Variants in CELF4 observed in about 807,000 individuals in gnomAD.
CELF4 encodes the protein CUGBP Elav-like family member 4.
Under a neutral mutation model 59.9 loss-of-function variants are expected in CELF4, and 18 were observed. The observed-to-expected ratio is 0.30, with a 90% CI of 0.21 to 0.45. The LOEUF (loss-of-function observed/expected upper bound fraction) is 0.45. CELF4 is among the 20% of genes least tolerant of loss of function. The pLI is 1.00. For missense variants in CELF4, 456 were observed against 689.0 expected, an observed-to-expected ratio of 0.66 and a Z score of 3.79; for synonymous variants, 261 against 267.1, an observed-to-expected ratio of 0.98 and a Z score of 0.22.
intron 2 of CELF4, among the ~76,000 whole-genome samples, chr18:37,411,077 C>T (rs2099448155): frequency 6.6e-6 from 1 of 152,166 alleles, no homozygotes; most frequent in Admixed American, 6.5e-5. Flanking sequence ...CCACCTCAGC[C>T]TCCTGAGTAG....
chr18:37,467,747 G>A (rs542531566), intron 2 of CELF4, among the ~76,000 whole-genome samples: 1 of 152,328 alleles, frequency 6.6e-6, no homozygotes, highest in African/African-American at 2.4e-5. Context: ...TGTCCAAACT[G>A]CTCTGGAAAT....
At chr18:37,329,590 G>C (rs1265279562) in intron 2 of CELF4, among the ~76,000 whole-genome samples, 2 of 152,208 alleles carry the variant, frequency 1.3e-5, no homozygotes, top group Non-Finnish European at 2.9e-5. Context: ...CAGGGTGAAC[G>C]TGACCAACCC....
intron 1 of CELF4, among the ~76,000 whole-genome samples, chr18:37,535,116 C>T (rs2099972496): frequency 6.6e-6 from 1 of 152,114 alleles, no homozygotes; most frequent in African/African-American, 2.4e-5. Flanking sequence ...GGGAGGTGGG[C>T]CTCCCTGCAC....
intron 1 of CELF4, among the ~76,000 whole-genome samples, chr18:37,515,499 C>T (rs73947297): frequency 6.6e-6 from 1 of 152,214 alleles, no homozygotes; most frequent in Non-Finnish European, 1.5e-5. Context: ...CTTGGCCCAT[C>T]CTCCAGTAGA....
intron 9 of CELF4, chr18:37,266,186 G>A: frequency 4.6e-6 from 2 of 438,982 alleles, no homozygotes; most frequent in South Asian, 4.6e-5. Flanking sequence ...AGCCTCGCCT[G>A]TGGTGCTGGT....
chr18:37,537,715 T>A (rs1213469557), intron 1 of CELF4, among the ~76,000 whole-genome samples: 1 of 152,212 alleles, frequency 6.6e-6, no homozygotes, highest in Non-Finnish European at 1.5e-5. Context: ...CCCTTTGCTT[T>A]CTCTGAAAGT....
chr18:37,440,797 C>G (rs1342481368), intron 2 of CELF4, among the ~76,000 whole-genome samples: 1 of 152,110 alleles, frequency 6.6e-6, no homozygotes, highest in African/African-American at 2.4e-5. Flanking sequence ...TACCTAACTA[C>G]CCATCTGTCT....
At chr18:37,399,528 A>G (rs1569568774) in intron 2 of CELF4, among the ~76,000 whole-genome samples, 4 of 152,212 alleles carry the variant, frequency 2.6e-5, no homozygotes, top group Admixed American at 2.0e-4. Flanking sequence ...GACTACGACA[A>G]TCACCAACAC....
chr18:37,495,342 G>T (rs997020090), intron 1 of CELF4, among the ~76,000 whole-genome samples: 42 of 152,202 alleles, frequency 2.8e-4, no homozygotes, highest in Admixed American at 2.7e-3. Context: ...GTTTGGGAGG[G>T]AAACCACCTC....
chr18:37,306,697 G>A (rs1200100775), intron 3 of CELF4, among the ~76,000 whole-genome samples: 1 of 152,142 alleles, frequency 6.6e-6, no homozygotes, highest in Non-Finnish European at 1.5e-5. Context: ...CAGTGGCCCC[G>A]ATGGCATGCC....
chr18:37,548,563 C>T (rs377522193), intron 1 of CELF4, among the ~76,000 whole-genome samples: 11 of 152,264 alleles, frequency 7.2e-5, no homozygotes, highest in South Asian at 2.1e-4. Context: ...GTGCTGTTTC[C>T]GATAGTGAGC....
At chr18:37,481,759 C>T (rs1399619288) in intron 2 of CELF4, among the ~76,000 whole-genome samples, 2 of 152,190 alleles carry the variant, frequency 1.3e-5, no homozygotes, top group Non-Finnish European at 2.9e-5. Context: ...TGAGTCACTC[C>T]TGCACTCCAT....
intron 3 of CELF4, among the ~76,000 whole-genome samples, chr18:37,303,349 C>T (rs189256960): frequency 6.6e-6 from 1 of 152,294 alleles, no homozygotes; most frequent in African/African-American, 2.4e-5. Flanking sequence ...CCTCCACTCC[C>T]CACCCTTCAC....
intron 2 of CELF4, among the ~76,000 whole-genome samples, chr18:37,385,131 G>C (rs931406391): frequency 2.5e-4 from 38 of 152,180 alleles, no homozygotes; most frequent in African/African-American, 9.2e-4. Context: ...TGGATCACTT[G>C]AGGTCAGGAG....
At chr18:37,366,237 C>A (rs891197577) in intron 2 of CELF4, among the ~76,000 whole-genome samples, 2 of 152,118 alleles carry the variant, frequency 1.3e-5, no homozygotes, top group Non-Finnish European at 2.9e-5. Context: ...AAAGCTATAG[C>A]GCAGACCCAG....
chr18:37,376,545 G>A lies in CELF4; in HGVS notation c.370-54664C>T, dbSNP rs184280112. ...TCTTCCTCTGGCCTTCAAGGCTTCC[G>A]TGTCTGCAGTGCTGGGGGCTTGAGA... On this transcript the variant is annotated intron_variant, in intron 2 of 12. Transcript: ENST00000420428. Among the ~76,000 whole-genome samples the A allele has an allele frequency of 1.3e-3, 195 of 152,262 alleles. 2 individuals carry two copies. The highest frequency in any genetic ancestry group is 2.6e-4 in the Non-Finnish European group (18 of 68,014).
chr18:37,271,680 G>A (rs984152313), intron 7 of CELF4, among the ~76,000 whole-genome samples: 4 of 152,212 alleles, frequency 2.6e-5, no homozygotes, highest in African/African-American at 9.6e-5. Context: ...GATGGAGTAG[G>A]TCTTAATTCT....
At chr18:37,561,850 T>C (rs1224224100) in intron 1 of CELF4, among the ~76,000 whole-genome samples, 1 of 152,200 alleles carries the variant, frequency 6.6e-6, no homozygotes, top group Non-Finnish European at 1.5e-5. Context: ...CTTTAATCAA[T>C]AGTACAATGT....
At chr18:37,458,378 C>T (rs551868731) in intron 2 of CELF4, among the ~76,000 whole-genome samples, 2 of 152,278 alleles carry the variant, frequency 1.3e-5, no homozygotes, top group East Asian at 3.9e-4. Flanking sequence ...GTGGAGATTT[C>T]CCCATGGTGG....
Sources: gnomAD v4.1 joint callset for allele counts (sites outside exome capture counted in the v4.1 genomes callset) on GRCh38, gnomAD v4.1.1 for gene constraint, MANE v1.5 for transcripts, NCBI Gene and HGNC (gene_info 2026-07-23, HGNC 2026-07-21) for gene names.